TRIM24: variants seen among roughly 807,000 people sequenced by gnomAD.
TRIM24 encodes transcription intermediary factor 1-alpha.
In TRIM24, 29 loss-of-function variants were observed where a neutral mutation model predicts 123.9. That is an observed-to-expected ratio of 0.23 (90% CI 0.17 to 0.32). The LOEUF (loss-of-function observed/expected upper bound fraction) is 0.32, where lower values mean the gene tolerates loss of function less well. Ranked by LOEUF, TRIM24 falls within the 10% of genes least tolerant of loss-of-function variation. The pLI is 1.00. For missense variants in TRIM24, 932 were observed against 1,295.3 expected (o/e 0.72, Z 4.31); for synonymous variants, 456 against 461.1 (o/e 0.99, Z 0.14).
At chr7:138,578,563 T>TCAC (rs1554445380) in intron 14 of TRIM24, among the ~76,000 whole-genome samples, 7 of 144,990 alleles carry the variant, frequency 4.8e-5, no homozygotes, top group African/African-American at 1.8e-4. Context: ...TGTGTGTGTG[T>TCAC]GCGCGCACGC....
intron 1 of TRIM24, among the ~76,000 whole-genome samples, chr7:138,462,339 T>A (rs1360743087): frequency 5.6e-5 from 7 of 124,826 alleles, no homozygotes; most frequent in Non-Finnish European, 1.0e-4. Flanking sequence ...TGCAAAAATC[T>A]TTTTTTTTTT....
chr7:138,576,851 A>T (rs1797771968), intron 13 of TRIM24, among the ~76,000 whole-genome samples: 2 of 152,206 alleles, frequency 1.3e-5, no homozygotes, highest in Middle Eastern at 3.2e-3. Flanking sequence ...TCTATATTTT[A>T]AGCAACTGCT....
intron 8 of TRIM24, among the ~76,000 whole-genome samples, chr7:138,551,876 G>A (rs1797219506): frequency 6.6e-6 from 1 of 152,086 alleles, no homozygotes; most frequent in African/African-American, 2.4e-5. Context: ...AAGACTTTTA[G>A]TTTTCTTCTT....
chr7:138,583,296 AGG>A (rs1797941113), intron 17 of TRIM24, among the ~76,000 whole-genome samples: 4 of 152,240 alleles, frequency 2.6e-5, no homozygotes, highest in Non-Finnish European at 5.9e-5. Context: ...GATGATTAAG[AGG>A]AAATATGTGA....
chr7:138,582,644 C>T (rs573401307), intron 17 of TRIM24, among the ~76,000 whole-genome samples: 3 of 150,542 alleles, frequency 2.0e-5, no homozygotes, highest in South Asian at 4.2e-4. Context: ...GTCTGAACCC[C>T]GGAGGCGGAG....
intron 7 of TRIM24, among the ~76,000 whole-genome samples, chr7:138,546,692 A>G (rs946539522): frequency 1.3e-5 from 2 of 152,206 alleles, no homozygotes; most frequent in Non-Finnish European, 2.9e-5. Context: ...GGTGAAAGGA[A>G]TGTAGGGTTC....
At chr7:138,483,205 G>A (rs1333330719) in intron 1 of TRIM24, among the ~76,000 whole-genome samples, 1 of 151,102 alleles carries the variant, frequency 6.6e-6, no homozygotes, top group Non-Finnish European at 1.5e-5. Flanking sequence ...CAAAGTGCTG[G>A]GATCCTAGGC....
intron 3 of TRIM24, among the ~76,000 whole-genome samples, chr7:138,518,721 C>G (rs771557017): frequency 6.6e-6 from 1 of 152,158 alleles, no homozygotes; most frequent in African/African-American, 2.4e-5. Flanking sequence ...GACTCAAACT[C>G]TTGGTGCTCA....
intron 4 of TRIM24, among the ~76,000 whole-genome samples, chr7:138,521,661 G>A (rs768845451): frequency 1.2e-4 from 18 of 152,164 alleles, no homozygotes; most frequent in Middle Eastern, 3.4e-3. Context: ...GACAGGTTTC[G>A]GACTGGATAA....
intron 2 of TRIM24, among the ~76,000 whole-genome samples, chr7:138,513,566 G>A (rs188489041): frequency 9.3e-4 from 142 of 152,208 alleles, no homozygotes; most frequent in South Asian, 1.9e-3. Context: ...CAAAAAGAGA[G>A]GGGGGAGGCG....
chr7:138,518,603 A>T (rs1321118366), intron 3 of TRIM24, among the ~76,000 whole-genome samples: 1 of 151,658 alleles, frequency 6.6e-6, no homozygotes, highest in Non-Finnish European at 1.5e-5. Flanking sequence ...TTATTTGACT[A>T]CTCCTTTTAG....
chr7:138,497,685 G>A (rs192978007), intron 1 of TRIM24, among the ~76,000 whole-genome samples: 21 of 151,760 alleles, frequency 1.4e-4, no homozygotes, highest in African/African-American at 4.8e-4. Context: ...GTGAATCACC[G>A]CGCCCAGCCT....
chr7:138,476,409 A>G (rs575941920), intron 1 of TRIM24, among the ~76,000 whole-genome samples: 69 of 152,170 alleles, frequency 4.5e-4, no homozygotes, highest in African/African-American at 1.5e-3. Flanking sequence ...CCTGACCAAC[A>G]TGGTGAAATC....
At chr7:138,568,634 G>A (rs1191172199) in intron 10 of TRIM24, among the ~76,000 whole-genome samples, 33 of 151,850 alleles carry the variant, frequency 2.2e-4, no homozygotes, top group Admixed American at 4.6e-4. Context: ...TGATATGCCC[G>A]CCTCAGCCTC....
chr7:138,465,122 T>C (rs956076667), intron 1 of TRIM24, among the ~76,000 whole-genome samples: 1 of 152,248 alleles, frequency 6.6e-6, no homozygotes, highest in African/African-American at 2.4e-5. Context: ...GTATAATTTA[T>C]AAATGCTCAG....
rs546727756 is a variant in TRIM24, at chr7:138,541,259, C to T, written c.1143+2456C>T. 2.4e-3 allele frequency among the ~76,000 whole-genome samples: 359 copies of T among 152,046 alleles called. 1 individual carries two copies. Among genetic ancestry groups the T allele is most frequent in the African/African-American group, 8.0e-3 (330 of 41,480 alleles). On this transcript the variant is annotated intron_variant, in intron 7 of 18. Transcript: ENST00000343526. Reference sequence around the variant, plus strand: ...AGGCTTGGAGTTCGAGACCACCCTGCGCCACAGGGTGAGACCCTGTCGCTA... The same window carrying T: ...AGGCTTGGAGTTCGAGACCACCCTGTGCCACAGGGTGAGACCCTGTCGCTA...
At chr7:138,461,019 C>T (rs1794953074) in intron 1 of TRIM24, 107 bp downstream of exon 1, 2 of 1,085,872 alleles carry the variant, frequency 1.8e-6, no homozygotes, top group South Asian at 3.8e-5. Flanking sequence ...CCGGGGTGCG[C>T]GGCGGGGGAG....
chr7:138,499,273 T>C (rs1025748482), intron 1 of TRIM24, among the ~76,000 whole-genome samples: 6 of 152,216 alleles, frequency 3.9e-5, no homozygotes, highest in Admixed American at 3.3e-4. Flanking sequence ...GTCCTCCTGG[T>C]TTCATATTAT....
intron 4 of TRIM24, among the ~76,000 whole-genome samples, chr7:138,519,871 T>C (rs1796471711): frequency 6.6e-6 from 1 of 152,158 alleles, no homozygotes; most frequent in African/African-American, 2.4e-5. Flanking sequence ...CTTTTAAATC[T>C]GATCTCAACA....
Sources: gnomAD v4.1 joint callset for allele counts (sites outside exome capture counted in the v4.1 genomes callset) on GRCh38, gnomAD v4.1.1 for gene constraint, MANE v1.5 for transcripts, NCBI Gene and HGNC (gene_info 2026-07-23, HGNC 2026-07-21) for gene names.